Variants in GRM8 observed in about 807,000 individuals in gnomAD.
GRM8 encodes the protein metabotropic glutamate receptor 8.
In GRM8, 47 loss-of-function variants were observed where a neutral mutation model predicts 87.2. The ratio of observed to expected loss-of-function variants is 0.54; its 90% CI spans 0.43 to 0.69. GRM8 has a LOEUF of 0.69. Ranked by LOEUF, GRM8 falls within the 30% of genes least tolerant of loss-of-function variation. GRM8 has a pLI of 0.00. For missense variants in GRM8, 1,019 were observed against 1,139.2 expected, an observed-to-expected ratio of 0.89 and a Z score of 1.52; for synonymous variants, 396 against 404.5, an observed-to-expected ratio of 0.98 and a Z score of 0.25.
At chr7:126,591,636 C>G (rs1024490883) in intron 8 of GRM8, among the ~76,000 whole-genome samples, 5 of 151,642 alleles carry the variant, frequency 3.3e-5, no homozygotes, top group Non-Finnish European at 5.9e-5. Flanking sequence ...AGAAACAGTT[C>G]CAAGAGGAAA....
intron 7 of GRM8, among the ~76,000 whole-genome samples, chr7:126,633,264 A>AAAAC (rs887972355): frequency 1.3e-5 from 2 of 152,222 alleles, no homozygotes; most frequent in South Asian, 2.1e-4. Context: ...GGTTCTGTAA[A>AAAAC]AAACAAACAA....
At chr7:126,623,254 T>C (rs945399342) in intron 7 of GRM8, among the ~76,000 whole-genome samples, 5 of 152,222 alleles carry the variant, frequency 3.3e-5, no homozygotes, top group Non-Finnish European at 5.9e-5. Flanking sequence ...AATTGTGCTC[T>C]ATGTTCAGAT....
At chr7:126,523,339 A>G (rs1813279303) in intron 9 of GRM8, among the ~76,000 whole-genome samples, 1 of 152,022 alleles carries the variant, frequency 6.6e-6, no homozygotes, top group Admixed American at 6.6e-5. Flanking sequence ...ATGAGTTTGA[A>G]TGTTTTTTTG....
chr7:127,252,923 G>A lies in GRM8; in HGVS notation c.-438C>T. On this transcript the variant is annotated 5_prime_UTR_variant, in exon 1 of 11. Transcript: ENST00000339582. The surrounding 1 kb of genome is among the most constrained non-coding windows in gnomAD (Gnocchi z 4.9). Reference sequence around the variant, plus strand: ...GCGGCCGCACTTGTGGCTGATCTCTGGGCTGAGGGGGCTGAGCTGGCCTAG... The same window carrying A: ...GCGGCCGCACTTGTGGCTGATCTCTAGGCTGAGGGGGCTGAGCTGGCCTAG... The A allele has an allele frequency of 5.3e-6, 1 of 189,124 alleles. No homozygotes were observed. The highest frequency in any genetic ancestry group is 1.1e-5 in the Non-Finnish European group (1 of 95,110). The allele number at this position is 189,124 out of a possible 1,614,324, so 11.7% of individuals were successfully genotyped here. A position where few individuals can be genotyped will look rare whatever the true frequency, so the allele number is the denominator to read the frequency against.
chr7:126,584,350 G>A (rs1795895480), intron 8 of GRM8, among the ~76,000 whole-genome samples: 1 of 151,882 alleles, frequency 6.6e-6, no homozygotes, highest in African/African-American at 2.4e-5. Context: ...TCAGCCTCCT[G>A]AGTACCTAGA....
rs746671652 is a variant in GRM8 at position 126,533,569 on chromosome 7, A to G, written c.1813T>C (p.Phe605Leu). ...ATAGGTGTGTCATTATAGCGGACAA[A>G]GGTCACGATCACAAAGGTGGTGGCG... ...IIATTFVIVT[F>L]VRYNDTPIVR... The change falls in exon 9 of 11, where the codon TTT becomes CTT. Residue 605 changes from phenylalanine (F) to leucine (L), a missense_variant. Physicochemically the swap from Phe to Leu is conservative, Grantham distance 22. Coordinates refer to ENST00000339582, the MANE Select transcript of GRM8 (RefSeq NM_000845.3). 6.8e-6 allele frequency: 11 copies of G among 1,614,132 alleles called. No homozygotes were observed. Among genetic ancestry groups the G allele is most frequent in the Non-Finnish European group, 9.3e-6 (11 of 1,179,976 alleles).
At chr7:126,668,139 C>A (rs190129362) in intron 7 of GRM8, among the ~76,000 whole-genome samples, 1 of 152,226 alleles carries the variant, frequency 6.6e-6, no homozygotes, top group East Asian at 1.9e-4. Flanking sequence ...TCCGACAACC[C>A]AGCGGGAAGT....
chr7:127,060,790 T>G (rs766123150), intron 3 of GRM8, among the ~76,000 whole-genome samples: 41 of 148,614 alleles, frequency 2.8e-4, no homozygotes, highest in Admixed American at 6.8e-4. Context: ...TAGATAGAAT[T>G]TAAGCAACAG....
intron 7 of GRM8, among the ~76,000 whole-genome samples, chr7:126,707,160 G>GA (rs371170564): frequency 1.4e-4 from 22 of 151,990 alleles, no homozygotes; most frequent in African/African-American, 4.3e-4. Flanking sequence ...AATGTCTAAT[G>GA]AAAAAAGAAA....
At chr7:126,525,060 T>C (rs57281612) in intron 9 of GRM8, among the ~76,000 whole-genome samples, 4,072 of 152,294 alleles carry the variant, frequency 0.027, 144 homozygotes, top group East Asian at 0.079. Flanking sequence ...CCTGCCATCC[T>C]TAGCTGTTGA....
chr7:126,693,572 T>C (rs531060259), intron 7 of GRM8, among the ~76,000 whole-genome samples: 1 of 152,174 alleles, frequency 6.6e-6, no homozygotes, highest in Non-Finnish European at 1.5e-5. Flanking sequence ...TTGACATTTA[T>C]ATATCCTTTG....
intron 3 of GRM8, among the ~76,000 whole-genome samples, chr7:126,977,299 A>C (rs546679876): frequency 6.6e-6 from 1 of 152,348 alleles, no homozygotes; most frequent in East Asian, 1.9e-4. Flanking sequence ...ATTTCATTTG[A>C]TATGGCAAAG....
At chr7:126,888,532 C>T (rs780775581) in intron 6 of GRM8, among the ~76,000 whole-genome samples, 36 of 152,048 alleles carry the variant, frequency 2.4e-4, no homozygotes, top group Non-Finnish European at 5.0e-4. Flanking sequence ...TCTCTGTTGG[C>T]CAGTAGGATT....
At chr7:127,251,784 C>T (rs1038354742) in intron 1 of GRM8, among the ~76,000 whole-genome samples, 1 of 152,012 alleles carries the variant, frequency 6.6e-6, no homozygotes, top group African/African-American at 2.4e-5. Context: ...GGTGCGTTTG[C>T]CTTTGCTTTT....
chr7:126,722,079 G>A (rs868463226), intron 7 of GRM8, among the ~76,000 whole-genome samples: 1 of 152,096 alleles, frequency 6.6e-6, no homozygotes, highest in Non-Finnish European at 1.5e-5. Flanking sequence ...AGAAGATACT[G>A]TTCCATCAAA....
At chr7:126,664,952 T>C (rs1312714186) in intron 7 of GRM8, among the ~76,000 whole-genome samples, 1 of 152,102 alleles carries the variant, frequency 6.6e-6, no homozygotes, top group African/African-American at 2.4e-5. Flanking sequence ...CACTAAACAG[T>C]GGGCAAAAGA....
chr7:126,819,663 A>C (rs1342234221), intron 6 of GRM8, among the ~76,000 whole-genome samples: 1 of 152,172 alleles, frequency 6.6e-6, no homozygotes, highest in East Asian at 1.9e-4. Flanking sequence ...TTATGTTAAA[A>C]TTTGTAAAAT....
At chr7:126,516,207 G>A (rs894127840) in intron 9 of GRM8, among the ~76,000 whole-genome samples, 1 of 151,814 alleles carries the variant, frequency 6.6e-6, no homozygotes, top group Non-Finnish European at 1.5e-5. Flanking sequence ...TTTAATTTCA[G>A]ATAATTATAT....
At chr7:126,831,097 G>T (rs1000389031) in intron 6 of GRM8, among the ~76,000 whole-genome samples, 3 of 152,188 alleles carry the variant, frequency 2.0e-5, no homozygotes, top group Non-Finnish European at 2.9e-5. Context: ...GCCGTGTGAG[G>T]TGTCAGTCTG....
Sources: allele counts gnomAD v4.1 joint callset (sites outside exome capture counted in the v4.1 genomes callset), GRCh38; gene constraint gnomAD v4.1.1; non-coding constraint Gnocchi (gnomAD v3.1); transcripts MANE v1.5; gene names NCBI Gene and HGNC (gene_info 2026-07-23, HGNC 2026-07-21).